LPAR1: variants seen among roughly 807,000 people sequenced by gnomAD.
LPAR1 encodes lysophosphatidic acid receptor 1.
Under a neutral mutation model 23.8 loss-of-function variants are expected in LPAR1, and 5 were observed. The observed-to-expected ratio is 0.21, with a 90% confidence interval of 0.11 to 0.44. The LOEUF is 0.44. Ranked by LOEUF, LPAR1 falls within the 20% of genes least tolerant of loss-of-function variation. The probability of loss-of-function intolerance (pLI) is 0.99; values close to 1 mark genes in which losing one functional copy is unlikely to be tolerated. For missense variants in LPAR1, 311 were observed against 482.8 expected (o/e 0.64, Z 3.33); for synonymous variants, 160 against 164.7 (o/e 0.97, Z 0.22).
intron 2 of LPAR1, among the ~76,000 whole-genome samples, chr9:110,977,533 G>A (rs2096577152): frequency 6.6e-6 from 1 of 152,060 alleles, no homozygotes; most frequent in South Asian, 2.1e-4. Flanking sequence ...GGCCTCACAG[G>A]AATATGAATT....
chr9:110,920,630 A>G (rs1406934323), intron 5 of LPAR1, among the ~76,000 whole-genome samples: 1 of 152,178 alleles, frequency 6.6e-6, no homozygotes, highest in Non-Finnish European at 1.5e-5. Context: ...GCAAGTAATG[A>G]GCACCAGCAT....
At chr9:111,016,108 T>A (rs553147205) in intron 2 of LPAR1, among the ~76,000 whole-genome samples, 1 of 152,308 alleles carries the variant, frequency 6.6e-6, no homozygotes, top group Admixed American at 6.5e-5. Flanking sequence ...ATTCTATGCC[T>A]GGCAAATATC....
chr9:110,873,519 T>C lies in LPAR1; in HGVS notation c.*1902A>G, dbSNP rs1384269413. On this transcript the variant is annotated 3_prime_UTR_variant, in exon 6 of 6. Coordinates refer to ENST00000683809, the MANE Select transcript of LPAR1 (RefSeq NM_001351411.2). Reference sequence around the variant, plus strand: ...AACCGTGCACTGACATCCTCCTTCCTAGACAGCCATTCATCTCCCGGACTT... The same window carrying C: ...AACCGTGCACTGACATCCTCCTTCCCAGACAGCCATTCATCTCCCGGACTT... 1 of 152,478 alleles carries C rather than the reference T, an allele frequency of 6.6e-6. No individual in the cohort carries two copies. The highest frequency in any genetic ancestry group is 2.1e-4 in the South Asian group (1 of 4,836). The allele number at this position is 152,478 out of a possible 1,614,324, so 9.4% of individuals were successfully genotyped here. A position where few individuals can be genotyped will look rare whatever the true frequency, so the allele number is the denominator to read the frequency against.
chr9:110,906,041 C>T (rs185519678), intron 5 of LPAR1, among the ~76,000 whole-genome samples: 220 of 152,266 alleles, frequency 1.4e-3, no homozygotes, highest in Non-Finnish European at 1.8e-3. Flanking sequence ...TTGTCAGAAA[C>T]TTTACCATAG....
chr9:110,965,781 C>T (rs920581812), intron 4 of LPAR1, among the ~76,000 whole-genome samples: 4 of 152,258 alleles, frequency 2.6e-5, no homozygotes, highest in South Asian at 2.1e-4. Context: ...GGTATATACC[C>T]GAAGGATTAT....
chr9:110,975,494 T>G (rs1588638403), intron 2 of LPAR1, among the ~76,000 whole-genome samples: 1 of 152,272 alleles, frequency 6.6e-6, no homozygotes, highest in East Asian at 1.9e-4. Context: ...AGTCACACAG[T>G]CAGGAAATGA....
chr9:110,894,573 A>G (rs139362881), intron 5 of LPAR1, among the ~76,000 whole-genome samples: 71 of 152,346 alleles, frequency 4.7e-4, no homozygotes, highest in African/African-American at 1.6e-3. Context: ...TAGAGATAGC[A>G]AAGTGGGAAG....
chr9:110,909,572 C>A (rs1162215597), intron 5 of LPAR1, among the ~76,000 whole-genome samples: 3 of 152,162 alleles, frequency 2.0e-5, no homozygotes, highest in Non-Finnish European at 4.4e-5. Flanking sequence ...CTGTATCACA[C>A]AAGGATAGTG....
At chr9:111,010,092 T>C (rs2097305585) in intron 2 of LPAR1, among the ~76,000 whole-genome samples, 1 of 141,702 alleles carries the variant, frequency 7.1e-6, no homozygotes, top group African/African-American at 2.6e-5. Context: ...ATACAAACCT[T>C]TGTGCAAGAA....
intron 2 of LPAR1, among the ~76,000 whole-genome samples, chr9:111,025,114 A>G (rs111495719): frequency 5.3e-5 from 8 of 152,172 alleles, no homozygotes; most frequent in Non-Finnish European, 7.4e-5. Flanking sequence ...AGATCCTTGA[A>G]GAATCACCAC....
chr9:111,038,725 TG>T (rs1444676385), upstream of LPAR1: 30 of 446,688 alleles, frequency 6.7e-5, 1 homozygote, highest in Admixed American at 7.2e-4. The surrounding 1 kb of genome is among the most constrained non-coding windows in gnomAD (Gnocchi z 4.4). Flanking sequence ...CCCACGGTGG[TG>T]GCAGGGCCGG....
chr9:111,032,531 C>T (rs2097819215), intron 2 of LPAR1, among the ~76,000 whole-genome samples: 1 of 152,144 alleles, frequency 6.6e-6, no homozygotes, highest in South Asian at 2.1e-4. Context: ...CAGTTAAGTG[C>T]TCCTGAGATG....
intron 5 of LPAR1, among the ~76,000 whole-genome samples, chr9:110,935,250 GA>G (rs1473843588): frequency 6.6e-6 from 1 of 152,094 alleles, no homozygotes; most frequent in Non-Finnish European, 1.5e-5. Context: ...TGGAAGTCAG[GA>G]AACTTGGATC....
chr9:110,992,289 A>T (rs952199111), intron 2 of LPAR1, among the ~76,000 whole-genome samples: 4 of 152,174 alleles, frequency 2.6e-5, no homozygotes, highest in African/African-American at 9.7e-5. Context: ...GCAAATTAAA[A>T]CCACAATGAA....
chr9:110,943,628 A>C (rs1457926364), intron 4 of LPAR1, among the ~76,000 whole-genome samples: 1 of 152,056 alleles, frequency 6.6e-6, no homozygotes, highest in African/African-American at 2.4e-5. Flanking sequence ...GGGAGGCCAA[A>C]GTGGGTGGAT....
chr9:110,945,239 C>T (rs2095329001), intron 4 of LPAR1: 2 of 152,148 alleles, frequency 1.3e-5, no homozygotes, highest in African/African-American at 4.8e-5. Context: ...AGGCAGAAAA[C>T]CTACATGGTT....
At chr9:110,977,032 T>C (rs1182235466) in intron 2 of LPAR1, among the ~76,000 whole-genome samples, 1 of 119,628 alleles carries the variant, frequency 8.4e-6, no homozygotes, top group Non-Finnish European at 2.0e-5. Flanking sequence ...AAACTATAAA[T>C]AGATCTTAAA....
chr9:111,031,677 T>A (rs1365722112), intron 2 of LPAR1, among the ~76,000 whole-genome samples: 1 of 152,122 alleles, frequency 6.6e-6, no homozygotes, highest in Non-Finnish European at 1.5e-5. Flanking sequence ...GAGCAAAGAA[T>A]CTCAAACACA....
At position 110,875,508 on chromosome 9, in the gene LPAR1, G is replaced by A; in HGVS notation, c.1008C>T (p.Gly336=). The A allele has an allele frequency of 6.2e-7, 1 of 1,614,146 alleles. No homozygotes were observed. The highest frequency in any genetic ancestry group is 1.3e-5 in the African/African-American group (1 of 75,062). The change falls in exon 6 of 6, where the codon GGC becomes GGT. Residue 336 remains glycine (G), a synonymous_variant. Transcript: ENST00000683809. ...CCGAGCGGTCTGAGCCTTCTGTGGG[G>A]CCGGTGGGGTTCTCACTGCGCTGGC... ...LCCQRSENPT[G]PTEGSDRSAS...
Sources: gnomAD v4.1 joint callset for allele counts (sites outside exome capture counted in the v4.1 genomes callset) on GRCh38, gnomAD v4.1.1 for gene constraint, Gnocchi (gnomAD v3.1) non-coding constraint, MANE v1.5 for transcripts, NCBI Gene and HGNC (gene_info 2026-07-23, HGNC 2026-07-21) for gene names.